The following MAP2K5 variants were observed in gnomAD, a reference collection of about 807,000 sequenced individuals.
The protein encoded by MAP2K5 is dual specificity mitogen-activated protein kinase kinase 5.
A neutral mutation model predicts 83.1 loss-of-function variants in MAP2K5; 49 were observed. That is an observed-to-expected ratio of 0.59 (90% CI 0.47 to 0.75). The LOEUF is 0.75. Ranked by LOEUF, MAP2K5 falls within the 30% of genes least tolerant of loss-of-function variation. The pLI, the probability that MAP2K5 is intolerant of heterozygous loss-of-function variation, is 0.00. For synonymous variants in MAP2K5, 202 were observed against 191.8 expected (o/e 1.05, Z -0.44); for missense variants, 457 against 557.5 (o/e 0.82, Z 1.82).
At chr15:67,657,008 A>G (rs989369142) in intron 11 of MAP2K5, among the ~76,000 whole-genome samples, 1 of 152,210 alleles carries the variant, frequency 6.6e-6, no homozygotes, top group African/African-American at 2.4e-5. Flanking sequence ...TCTCTAACGG[A>G]CATGAAAAGG....
chr15:67,578,902 C>T (rs2085120501), intron 3 of MAP2K5, among the ~76,000 whole-genome samples: 1 of 152,150 alleles, frequency 6.6e-6, no homozygotes, highest in African/African-American at 2.4e-5. Flanking sequence ...ACCCCAAGCA[C>T]CAGTTTTAGA....
Position 67,703,988 on chromosome 15 carries a change from T to C in MAP2K5, c.1044+580T>C, listed in dbSNP as rs73425961. ...GATGGAGAGGGAAGGGGGAAGAGGA[T>C]GTATGTATTTAGCACAATTGCAATA... On this transcript the variant is annotated intron_variant, in intron 16 of 21. Coordinates refer to ENST00000178640, the MANE Select transcript of MAP2K5 (RefSeq NM_145160.3). Among the ~76,000 whole-genome samples, 465 of 152,304 alleles carry C rather than the reference T, an allele frequency of 3.1e-3. 3 individuals are homozygous for C. Among genetic ancestry groups the C allele is most frequent in the African/African-American group, 0.011 (455 of 41,564 alleles).
chr15:67,662,502 G>C (rs1433483319), intron 12 of MAP2K5, among the ~76,000 whole-genome samples: 1 of 152,134 alleles, frequency 6.6e-6, no homozygotes, highest in Non-Finnish European at 1.5e-5. Context: ...TTTGTTCAGT[G>C]TATCTGGTGT....
At chr15:67,762,537 A>G (rs2011773973) in intron 19 of MAP2K5, among the ~76,000 whole-genome samples, 1 of 150,638 alleles carries the variant, frequency 6.6e-6, no homozygotes, top group African/African-American at 2.5e-5. Flanking sequence ...AACATTTCTA[A>G]GTAAATATAA....
chr15:67,622,162 A>G (rs1042677887), intron 8 of MAP2K5, among the ~76,000 whole-genome samples: 24 of 151,528 alleles, frequency 1.6e-4, no homozygotes, highest in Non-Finnish European at 2.8e-4. Context: ...AAAAAAAAAA[A>G]AAGAAGATGA....
intron 21 of MAP2K5, among the ~76,000 whole-genome samples, chr15:67,788,686 T>A (rs2141328465): frequency 6.6e-6 from 1 of 152,320 alleles, no homozygotes; most frequent in Non-Finnish European, 1.5e-5. Flanking sequence ...AAATTATGAT[T>A]AAAAATTTGG....
In MAP2K5 at chr15:67,665,852, TG is replaced by T. The variant is rs774432885; in HGVS notation, c.847+1208del. On this transcript the variant is annotated intron_variant, in intron 13 of 21. Coordinates refer to ENST00000178640, the MANE Select transcript of MAP2K5 (RefSeq NM_145160.3). The surrounding 1 kb of genome is among the most constrained non-coding windows in gnomAD (Gnocchi z 4.2). ...TAAGTGTGTAAACAAATTTGGTGGA[TG>T]AAAAAAAATTGAACATTTTTGACTA... is the stretch of plus-strand genomic sequence containing the variant. 6.6e-6 allele frequency among the ~76,000 whole-genome samples: 1 copy of T among 152,102 alleles called. No individual in the cohort carries two copies. The highest frequency in any genetic ancestry group is 2.4e-5 in the African/African-American group (1 of 41,428).
In MAP2K5 at chr15:67,782,023, T is replaced by C. The variant is rs1313524607; in HGVS notation, c.1242+9271T>C. 2.0e-5 allele frequency among the ~76,000 whole-genome samples: 3 copies of C among 152,256 alleles called. No homozygotes were observed. Among genetic ancestry groups the C allele is most frequent in the South Asian group, 2.1e-4 (1 of 4,834 alleles). ...TTGGCTGGACTGCTTTAGCCTCTTG[T>C]TCAGATTTTTCCATCAAAGCTCTTT... On this transcript the variant is annotated intron_variant, in intron 21 of 21. Transcript: ENST00000178640. The surrounding 1 kb of genome is among the most constrained non-coding windows in gnomAD (Gnocchi z 4.9).
chr15:67,748,220 C>T lies in MAP2K5; in HGVS notation c.1075-11C>T, dbSNP rs1486046934. ...ATTATGACATGCTAATTACATATTG[C>T]CTTTTTTCAGATTCAGAAAAACCAG... is the stretch of plus-strand genomic sequence containing the variant. On this transcript the variant is annotated splice_polypyrimidine_tract_variant and intron_variant, in intron 17 of 21. Coordinates refer to ENST00000178640, the MANE Select transcript of MAP2K5 (RefSeq NM_145160.3). The surrounding 1 kb of genome is among the most constrained non-coding windows in gnomAD (Gnocchi z 4.0). 6.9e-6 allele frequency: 11 copies of T among 1,598,444 alleles called. No individual in the cohort carries two copies. The highest frequency in any genetic ancestry group is 1.6e-4 in the Middle Eastern group (1 of 6,064).
chr15:67,680,332 A>G (rs2087788655), intron 13 of MAP2K5, among the ~76,000 whole-genome samples: 2 of 152,230 alleles, frequency 1.3e-5, no homozygotes, highest in Non-Finnish European at 2.9e-5. Flanking sequence ...TTGAGTAAAT[A>G]CCTAGGAGTG....
Position 67,542,740 on chromosome 15 carries a change from C to CGCCGCCGCA in MAP2K5, c.-587_-579dup. Reference sequence around the variant, plus strand: ...CTCCTCTCGCCGCTACCGCCGTCGCCGCCGCCGCAGCCGCCGCCAGTCCGC... The same window carrying CGCCGCCGCA: ...CTCCTCTCGCCGCTACCGCCGTCGCCGCCGCCGCAGCCGCCGCAGCCGCCGCCAGTCCGC... On this transcript the variant is annotated 5_prime_UTR_variant, in exon 1 of 22. Transcript: ENST00000178640. The CGCCGCCGCA allele has an allele frequency of 1.0e-5, 1 of 98,450 alleles. No individual in the cohort carries two copies. Among genetic ancestry groups the CGCCGCCGCA allele is most frequent in the Middle Eastern group, 7.8e-3 (1 of 128 alleles). The allele number at this position is 98,450 out of a possible 1,614,324, so 6.1% of individuals were successfully genotyped here.
chr15:67,654,833 C>T (rs779065738), intron 11 of MAP2K5, among the ~76,000 whole-genome samples: 19 of 151,928 alleles, frequency 1.3e-4, no homozygotes, highest in Admixed American at 2.0e-4. Flanking sequence ...GGCCGAGGTG[C>T]GCGGATCACC....
chr15:67,584,068 A>G (rs1327239609), intron 4 of MAP2K5, among the ~76,000 whole-genome samples: 1 of 152,178 alleles, frequency 6.6e-6, no homozygotes, highest in African/African-American at 2.4e-5. Flanking sequence ...ATGTAATAAC[A>G]TGTTCTCCTC....
intron 13 of MAP2K5, among the ~76,000 whole-genome samples, chr15:67,671,372 G>T (rs1013360297): frequency 1.3e-5 from 2 of 152,114 alleles, no homozygotes; most frequent in Non-Finnish European, 2.9e-5. Context: ...ATTATTTAAG[G>T]TATTCCTTCA....
intron 4 of MAP2K5, among the ~76,000 whole-genome samples, chr15:67,581,779 G>A (rs1222685828): frequency 6.6e-6 from 1 of 152,126 alleles, no homozygotes; most frequent in East Asian, 1.9e-4. Flanking sequence ...GTCTCCAAAG[G>A]CAGCTGTCTT....
intron 8 of MAP2K5, among the ~76,000 whole-genome samples, chr15:67,619,718 G>C (rs932049286): frequency 8.5e-5 from 13 of 152,184 alleles, no homozygotes; most frequent in African/African-American, 2.6e-4. Context: ...CTTGAGGCCA[G>C]GAGTTCAAGA....
chr15:67,797,397 GT>G (rs2090623141), intron 21 of MAP2K5, among the ~76,000 whole-genome samples: 1 of 152,136 alleles, frequency 6.6e-6, no homozygotes, highest in Non-Finnish European at 1.5e-5. Context: ...CTGAGTTTTT[GT>G]TCTAGGATTG....
At chr15:67,628,645 G>A (rs2086383667) in intron 8 of MAP2K5, 2 of 1,048,404 alleles carry the variant, frequency 1.9e-6, no homozygotes, top group Non-Finnish European at 2.9e-6. Flanking sequence ...TGACTCTGTG[G>A]ATAAGACTGT....
At chr15:67,576,052 GA>G (rs2085058621) in intron 3 of MAP2K5, among the ~76,000 whole-genome samples, 1 of 144,854 alleles carries the variant, frequency 6.9e-6, no homozygotes, top group Non-Finnish European at 1.5e-5. Flanking sequence ...GAGTAGCTGG[GA>G]TTACAGGTGC....
Sources: allele counts gnomAD v4.1 joint callset (sites outside exome capture counted in the v4.1 genomes callset), GRCh38; gene constraint gnomAD v4.1.1; non-coding constraint Gnocchi (gnomAD v3.1); transcripts MANE v1.5; gene names NCBI Gene and HGNC (gene_info 2026-07-23, HGNC 2026-07-21).